Variants in LANCL1 observed in about 807,000 individuals in gnomAD.
LANCL1 encodes glutathione S-transferase LANCL1.
A neutral mutation model predicts 50.6 loss-of-function variants in LANCL1; 50 were observed. The observed-to-expected ratio is 0.99, with a 90% CI of 0.79 to 1.25. The LOEUF (loss-of-function observed/expected upper bound fraction) is 1.25. LANCL1 is among the 50% of genes most tolerant of loss of function. The pLI is 0.00. For synonymous variants in LANCL1, 188 were observed against 178.6 expected, an observed-to-expected ratio of 1.05 and a Z score of -0.42; for missense variants, 532 against 480.7, an observed-to-expected ratio of 1.11 and a Z score of -1.00.
chr2:210,438,972 G>A (rs1361339655), intron 6 of LANCL1, among the ~76,000 whole-genome samples: 4 of 152,106 alleles, frequency 2.6e-5, no homozygotes, highest in Admixed American at 6.6e-5. Flanking sequence ...GGCAGGAGGC[G>A]GTCGTGGTGG....
chr2:210,450,675 G>C (rs1693485912), intron 4 of LANCL1, among the ~76,000 whole-genome samples: 1 of 152,106 alleles, frequency 6.6e-6, no homozygotes. Context: ...CAAAAGATAT[G>C]AACAGATACT....
intron 4 of LANCL1, among the ~76,000 whole-genome samples, chr2:210,445,472 G>A (rs1314246739): frequency 6.6e-6 from 1 of 152,048 alleles, no homozygotes. Flanking sequence ...GGTAATAAAG[G>A]AAGCATATCC....
At chr2:210,473,834 CAA>C (rs1253724729) in intron 2 of LANCL1, among the ~76,000 whole-genome samples, 1 of 152,122 alleles carries the variant, frequency 6.6e-6, no homozygotes. Context: ...ACAATTTCTG[CAA>C]AGAGGTTAAG....
chr2:210,453,818 T>C (rs564934036), intron 4 of LANCL1, among the ~76,000 whole-genome samples: 1 of 152,312 alleles, frequency 6.6e-6, no homozygotes, highest in East Asian at 1.9e-4. Flanking sequence ...AGTCAGCTAC[T>C]ATGGAAGGAA....
Position 210,436,315 on chromosome 2 carries a change from C to T in LANCL1, c.951G>A (p.Lys317=), listed in dbSNP as rs1692930949. ...CAGAACCGTGGCACAGCCCATATCC[C>T]TTCTTCAGCAACCCATATTGCCAGA... is the stretch of plus-strand genomic sequence containing the variant. ...DVIWQYGLLK[K]GYGLCHGSAG... is the part of the protein sequence containing the mutation. Residue 317 remains lysine, a synonymous_variant, in exon 8 of 10, where the codon AAG becomes AAA. Transcript: ENST00000450366. The T allele has an allele frequency of 6.2e-7, 1 of 1,614,098 alleles. No individual in the cohort carries two copies. The highest frequency in any genetic ancestry group is 1.3e-5 in the African/African-American group (1 of 75,034).
intron 2 of LANCL1, among the ~76,000 whole-genome samples, chr2:210,474,430 AT>A (rs1369141075): frequency 3.3e-5 from 5 of 152,030 alleles, no homozygotes; most frequent in African/African-American, 4.8e-5. Flanking sequence ...AAAGGGTTAA[AT>A]TTGGCCCGAC....
At chr2:210,472,846 G>A (rs1462496770) in intron 2 of LANCL1, among the ~76,000 whole-genome samples, 2 of 152,148 alleles carry the variant, frequency 1.3e-5, no homozygotes, top group Non-Finnish European at 2.9e-5. Flanking sequence ...CTCATTCAGG[G>A]ATGTAAATGT....
At position 210,431,690 on chromosome 2, in the gene LANCL1, A is replaced by G. The variant is rs977812027; in HGVS notation, c.*2797T>C. ...TTAGGAAATGTTAATAAAGAAAGTA[A>G]CCCTAGATCCACTTTTACCTAAAAC... On this transcript the variant is annotated 3_prime_UTR_variant, in exon 10 of 10. Transcript: ENST00000450366. 13 of 152,138 alleles carry G rather than the reference A, an allele frequency of 8.5e-5. No homozygotes were observed. Among genetic ancestry groups the G allele is most frequent in the African/African-American group, 3.1e-4 (13 of 41,436 alleles). The allele number at this position is 152,138 out of a possible 1,614,324, so 9.4% of individuals were successfully genotyped here.
At position 210,455,108 on chromosome 2, in the gene LANCL1, G is replaced by T. The variant is rs745643705; in HGVS notation, c.406C>A (p.Arg136=). 8.7e-6 allele frequency: 14 copies of T among 1,610,350 alleles called. No homozygotes were observed. The highest frequency in any genetic ancestry group is 9.3e-6 in the Non-Finnish European group (11 of 1,176,816). The change falls in exon 4 of 10, where the codon CGG becomes AGG. Residue 136 remains arginine (R), a splice_region_variant and synonymous_variant. Transcript: ENST00000450366. ...ATCCTCATATAGAAACATGATTACC[G>T]TGTGATGCAATCTTCTGCCTGCTTC... ...NEKQAEDCIT[R]LIHLNKIDPH...
At chr2:210,473,876 T>G (rs530580334) in intron 2 of LANCL1, among the ~76,000 whole-genome samples, 4 of 152,348 alleles carry the variant, frequency 2.6e-5, no homozygotes, top group Admixed American at 1.3e-4. Context: ...ATACATTTAG[T>G]AGGATAAAAT....
chr2:210,441,653 A>G (rs1474875426), intron 4 of LANCL1, among the ~76,000 whole-genome samples: 1 of 152,196 alleles, frequency 6.6e-6, no homozygotes, highest in African/African-American at 2.4e-5. Flanking sequence ...CATTCATAAA[A>G]TGAAAGAATA....
intron 3 of LANCL1, among the ~76,000 whole-genome samples, chr2:210,456,987 T>G (rs924749116): frequency 3.3e-5 from 5 of 152,304 alleles, no homozygotes; most frequent in South Asian, 4.1e-4. Flanking sequence ...AAGAGTACAT[T>G]TGGATTAAAA....
At position 210,445,818 on chromosome 2, in the gene LANCL1, T is replaced by A. The variant is rs142130652; in HGVS notation, c.408-4375A>T. Among the ~76,000 whole-genome samples, 71 of 152,306 alleles carry A rather than the reference T, an allele frequency of 4.7e-4. 1 individual carries two copies. The South Asian group carries it at 6.0e-3, about 13-fold the overall frequency. The stretch of plus-strand genomic sequence containing the variant: ...GAATGAAGACACACAAACAGGATAG[T>A]TCTGTTCCTCTCCTCACAGTACTTC... On this transcript the variant is annotated intron_variant, in intron 4 of 9. Transcript: ENST00000450366.
At chr2:210,464,110 TAC>T (rs1437613370) in intron 3 of LANCL1, among the ~76,000 whole-genome samples, 1 of 152,266 alleles carries the variant, frequency 6.6e-6, no homozygotes, top group Non-Finnish European at 1.5e-5. Context: ...TTTAAACCTG[TAC>T]ATATCACCCT....
At position 210,476,361 on chromosome 2, in the gene LANCL1, A is replaced by C; in HGVS notation, c.36T>G (p.Asp12Glu). The C allele has an allele frequency of 1.2e-6, 2 of 1,614,126 alleles. No homozygotes were observed. Among genetic ancestry groups the C allele is most frequent in the Non-Finnish European group, 1.7e-6 (2 of 1,180,010 alleles). The change falls in exon 2 of 10, where the codon GAT (aspartate) becomes GAG (glutamate). Residue 12 changes from aspartate (D) to glutamate (E), a missense_variant. By Grantham distance (45) the Asp-to-Glu change is conservative. Coordinates refer to ENST00000450366, the MANE Select transcript of LANCL1 (RefSeq NM_006055.3). ...AGCCTTCGGCCAGGGATTTGTTATA[A>C]TCAGCATAAGGATTCGGGAAGGCCC... ...AQRAFPNPYA[D>E]YNKSLAEGYF... is the part of the protein sequence containing the mutation.
At chr2:210,454,219 T>TACACAC (rs3836055) in intron 4 of LANCL1, among the ~76,000 whole-genome samples, 109 of 147,712 alleles carry the variant, frequency 7.4e-4, no homozygotes, top group African/African-American at 9.7e-4. Context: ...TATGCATACA[T>TACACAC]ACACACACAC....
At chr2:210,449,894 A>G (rs552652163) in intron 4 of LANCL1, among the ~76,000 whole-genome samples, 1 of 152,338 alleles carries the variant, frequency 6.6e-6, no homozygotes, top group South Asian at 2.1e-4. Flanking sequence ...GGAAGAATCA[A>G]TATTGGGAAA....
upstream of LANCL1, chr2:210,477,474 T>C: frequency 8.0e-7 from 1 of 1,247,712 alleles, no homozygotes; most frequent in Non-Finnish European, 1.0e-6. Context: ...GCCCATTCTA[T>C]TGCTCAGAGA....
At chr2:210,469,395 A>G (rs1694159135) in intron 3 of LANCL1, 1 of 152,218 alleles carries the variant, frequency 6.6e-6, no homozygotes, top group Non-Finnish European at 1.5e-5. Context: ...CATTTTACTT[A>G]TCAAAACACT....
Sources: gnomAD v4.1 joint callset for allele counts (sites outside exome capture counted in the v4.1 genomes callset) on GRCh38, gnomAD v4.1.1 for gene constraint, MANE v1.5 for transcripts, NCBI Gene and HGNC (gene_info 2026-07-23, HGNC 2026-07-21) for gene names.